Variants in DMD observed in about 807,000 individuals in gnomAD.
DMD encodes the protein dystrophin.
Under a neutral mutation model 330.1 loss-of-function variants are expected in DMD, and 63 were observed. The ratio of observed to expected loss-of-function variants is 0.19; its 90% CI spans 0.16 to 0.24. The LOEUF is 0.24. Ranked by LOEUF, DMD falls within the 10% of genes least tolerant of loss-of-function variation. The probability of loss-of-function intolerance (pLI) is 1.00; values close to 1 mark genes in which losing one functional copy is unlikely to be tolerated. For missense variants in DMD, 3,344 were observed against 2,684.1 expected, an observed-to-expected ratio of 1.25 and a Z score of -5.43; for synonymous variants, 1,223 against 959.8, an observed-to-expected ratio of 1.27 and a Z score of -5.07.
chrX:31,850,753 T>G (rs1283655420), intron 48 of DMD, among the ~76,000 whole-genome samples: 1 of 112,685 alleles, frequency 8.9e-6, no homozygotes, highest in African/African-American at 3.2e-5. Flanking sequence ...GAGTGAGTAA[T>G]AAATGTTTGT....
At position 33,113,132 on chromosome X, in the gene DMD, C is replaced by A. The variant is rs182606678; in HGVS notation, c.32-92932G>T. ...GCAGCGGCTCAATCTCGGCTCACTG[C>A]GACCTCTGCCTCCCAAGTTCAAGAG... On this transcript the variant is annotated intron_variant, in intron 1 of 78. Coordinates refer to ENST00000357033, the MANE Select transcript of DMD (RefSeq NM_004006.3). Among the ~76,000 whole-genome samples, 738 of 103,159 alleles carry A rather than the reference C, an allele frequency of 7.2e-3. 4 individuals are homozygous for A. The highest frequency in any genetic ancestry group is 0.012 in the Non-Finnish European group (594 of 50,829). The allele number at this position is 103,159 out of a possible 115,157, so 89.6% of individuals were successfully genotyped here. A position where few individuals can be genotyped will look rare whatever the true frequency, so the allele number is the denominator to read the frequency against.
chrX:32,666,852 G>C (rs1306674950), intron 9 of DMD, among the ~76,000 whole-genome samples: 1 of 106,162 alleles, frequency 9.4e-6, no homozygotes, highest in East Asian at 2.9e-4. Flanking sequence ...AGCAAGCAAA[G>C]ACAAAGCAAG....
chrX:32,940,306 G>A (rs1014172823), intron 2 of DMD, among the ~76,000 whole-genome samples: 1 of 112,184 alleles, frequency 8.9e-6, no homozygotes, highest in Admixed American at 9.5e-5. Context: ...ACTATGTGAA[G>A]AGATGGATAT....
chrX:32,837,316 A>C (rs2148935785), intron 4 of DMD, among the ~76,000 whole-genome samples: 1 of 111,957 alleles, frequency 8.9e-6, no homozygotes, highest in East Asian at 2.8e-4. Context: ...TGGTTAGACT[A>C]AACTAAGGAG....
chrX:31,877,182 A>G (rs1406822711), intron 47 of DMD, among the ~76,000 whole-genome samples: 1 of 112,345 alleles, frequency 8.9e-6, no homozygotes, highest in African/African-American at 3.2e-5. Flanking sequence ...ATGTACAGTG[A>G]AACGTCTTGT....
intron 2 of DMD, among the ~76,000 whole-genome samples, chrX:32,859,461 TCACACACACACACACACACACACACACA>T (rs35537635): frequency 8.1e-5 from 7 of 86,045 alleles, no homozygotes; most frequent in Admixed American, 1.3e-4. Context: ...AAGCAAGATC[TCACACACACACACACACACACACACACA>T]CACACACACA....
chrX:31,989,666 G>T (rs930579504), intron 44 of DMD, among the ~76,000 whole-genome samples: 4 of 111,398 alleles, frequency 3.6e-5, no homozygotes, highest in African/African-American at 1.3e-4. Context: ...AAAACATAAA[G>T]AGAGGATTTT....
intron 59 of DMD, among the ~76,000 whole-genome samples, chrX:31,446,316 C>T (rs774710802): frequency 2.7e-5 from 3 of 111,662 alleles, no homozygotes; most frequent in Non-Finnish European, 5.6e-5. Flanking sequence ...TGGACGATAA[C>T]GAAAATGTTC....
chrX:33,026,270 G>A (rs765904113), intron 1 of DMD, among the ~76,000 whole-genome samples: 5 of 86,333 alleles, frequency 5.8e-5, no homozygotes, highest in Non-Finnish European at 8.5e-5. Flanking sequence ...AGCCAAGATC[G>A]TGCCACTGCG....
intron 37 of DMD, among the ~76,000 whole-genome samples, chrX:32,354,335 CA>C (rs77017724): frequency 1.8e-5 from 2 of 110,895 alleles, no homozygotes; most frequent in East Asian, 5.6e-4. Flanking sequence ...TTTATCATTA[CA>C]ATATTGATAT....
At chrX:32,733,287 G>C (rs2067972569) in intron 7 of DMD, among the ~76,000 whole-genome samples, 1 of 110,228 alleles carries the variant, frequency 9.1e-6, no homozygotes, top group Non-Finnish European at 1.9e-5. Context: ...CCTACAAAGA[G>C]ACTTAGACTC....
At chrX:32,415,722 A>G in intron 29 of DMD, among the ~76,000 whole-genome samples, 1 of 112,393 alleles carries the variant, frequency 8.9e-6, no homozygotes, top group East Asian at 2.8e-4. Context: ...AAATATAAGG[A>G]AAGTTAGAAA....
intron 78 of DMD, among the ~76,000 whole-genome samples, chrX:31,123,076 AG>A (rs1316414794): frequency 8.9e-6 from 1 of 111,940 alleles, no homozygotes; most frequent in Non-Finnish European, 1.9e-5. Flanking sequence ...TAAAAATTAA[AG>A]ATATCCCAAT....
chrX:32,947,670 A>C (rs1476356388), intron 2 of DMD, among the ~76,000 whole-genome samples: 1 of 112,090 alleles, frequency 8.9e-6, no homozygotes, highest in Non-Finnish European at 1.9e-5. Context: ...GGAAAGTCAT[A>C]CATTTTTCAT....
intron 5 of DMD, among the ~76,000 whole-genome samples, 171 bp downstream of exon 5, chrX:32,823,124 C>T (rs894243438): frequency 7.2e-5 from 8 of 111,263 alleles, no homozygotes; most frequent in African/African-American, 2.3e-4. Context: ...TATTTTATAC[C>T]GTGATGATCC....
chrX:31,269,625 A>G (rs1326331725), intron 62 of DMD, among the ~76,000 whole-genome samples: 1 of 112,131 alleles, frequency 8.9e-6, no homozygotes, highest in Non-Finnish European at 1.9e-5. Flanking sequence ...ACTCATAGAC[A>G]ATCTCACTGA....
chrX:32,702,500 G>A (rs2064225595), intron 7 of DMD, among the ~76,000 whole-genome samples: 2 of 111,295 alleles, frequency 1.8e-5, no homozygotes, highest in South Asian at 7.5e-4. Context: ...GATGAAACTG[G>A]TAGATTGTAC....
chrX:31,736,381 A>G (rs1603456696), intron 51 of DMD, among the ~76,000 whole-genome samples: 1 of 111,465 alleles, frequency 9.0e-6, no homozygotes, highest in East Asian at 2.8e-4. Flanking sequence ...TGAAGTAGGG[A>G]AACGACAAAG....
chrX:32,092,349 G>C (rs1465963525), intron 44 of DMD, among the ~76,000 whole-genome samples: 1 of 111,604 alleles, frequency 9.0e-6, no homozygotes, highest in African/African-American at 3.3e-5. Context: ...GCTTAAAAGA[G>C]GGACACTTCA....
Sources: gnomAD v4.1 joint callset for allele counts (sites outside exome capture counted in the v4.1 genomes callset) on GRCh38, gnomAD v4.1.1 for gene constraint, MANE v1.5 for transcripts, NCBI Gene and HGNC (gene_info 2026-07-23, HGNC 2026-07-21) for gene names.